The following ABCA8 variants were observed in gnomAD, a reference collection of about 807,000 sequenced individuals.
ABCA8 encodes ATP binding cassette subfamily A member 8.
Under a neutral mutation model 192.3 loss-of-function variants are expected in ABCA8, and 177 were observed. The observed-to-expected ratio is 0.92, with a 90% confidence interval of 0.81 to 1.04. The LOEUF is 1.04. Among genes scored for constraint, ABCA8 ranks in the 50% least tolerant of loss-of-function variants. The pLI, the probability that ABCA8 is intolerant of heterozygous loss-of-function variation, is 0.00. For synonymous variants in ABCA8, 642 were observed against 690.2 expected (o/e 0.93, Z 1.09); for missense variants, 1,915 against 1,904.8 (o/e 1.01, Z -0.10).
Position 68,906,175 on chromosome 17 carries a change from A to T in ABCA8, c.2279-12T>A. ...ATCCTTGTAAAGTTCTAAAGAATAC[A>T]TATACAGCAGTGAATTAAAACAAGA... On this transcript the variant is annotated splice_polypyrimidine_tract_variant and intron_variant, in intron 18 of 39. Transcript: ENST00000586539. 6.6e-7 allele frequency: 1 copy of T among 1,519,754 alleles called. No homozygotes were observed. The highest frequency in any genetic ancestry group is 8.8e-7 in the Non-Finnish European group (1 of 1,136,082). The allele number at this position is 1,519,754 out of a possible 1,614,324, so 94.1% of individuals were successfully genotyped here.
Position 68,867,839 on chromosome 17 carries a change from A to G in ABCA8, c.*246T>C. ...AAAGTAAATTTATTTATTCAGTATT[A>G]TACAGAACAATGGAACCAGTATGGC... On this transcript the variant is annotated 3_prime_UTR_variant, in exon 40 of 40. Coordinates refer to ENST00000586539, the MANE Select transcript of ABCA8 (RefSeq NM_001288985.2). 2.6e-6 allele frequency: 1 copy of G among 383,578 alleles called. No individual in the cohort carries two copies. 23.8% of individuals were successfully genotyped at this position (383,578 alleles called of 1,614,324 possible).
rs577694424 is a variant in ABCA8 at position 68,885,063 on chromosome 17, T to C, written c.3549+133A>G. On this transcript the variant is annotated intron_variant, in intron 27 of 39. Transcript: ENST00000586539. ...ATTGTTTTATCTGGGAGAAAATCAA[T>C]TGGATTCCGTCAGGCAGAAATCTTT... The C allele has an allele frequency of 2.5e-3, 3,028 of 1,191,454 alleles. 4 individuals carry two copies. The highest frequency in any genetic ancestry group is 3.2e-3 in the South Asian group (175 of 55,210). The allele number at this position is 1,191,454 out of a possible 1,614,324, so 73.8% of individuals were successfully genotyped here.
At chr17:68,929,858 G>C (rs775009999) in intron 7 of ABCA8, among the ~76,000 whole-genome samples, 156 bp from the exon 8 acceptor site, 19 of 151,808 alleles carry the variant, frequency 1.3e-4, no homozygotes, top group African/African-American at 4.4e-4. Flanking sequence ...ATAAATACAA[G>C]GTAAAAGTTT....
At chr17:68,943,406 C>G (rs1433551078) in intron 2 of ABCA8, among the ~76,000 whole-genome samples, 1 of 152,086 alleles carries the variant, frequency 6.6e-6, no homozygotes, top group East Asian at 1.9e-4. Flanking sequence ...GCAATTTGTA[C>G]TATGATAGGA....
At chr17:68,930,753 C>T (rs1015693097) in intron 7 of ABCA8, among the ~76,000 whole-genome samples, 8 of 152,270 alleles carry the variant, frequency 5.3e-5, no homozygotes, top group African/African-American at 1.4e-4. Context: ...TGCTCTGCTA[C>T]GTTTCCCTCC....
chr17:68,872,073 A>G (rs1375708769), intron 37 of ABCA8, among the ~76,000 whole-genome samples: 1 of 152,086 alleles, frequency 6.6e-6, no homozygotes, highest in East Asian at 1.9e-4. Flanking sequence ...CAGCCATCCC[A>G]TTACTGGGTA....
At chr17:68,940,464 A>G (rs547229133) in intron 4 of ABCA8, among the ~76,000 whole-genome samples, 2 of 152,224 alleles carry the variant, frequency 1.3e-5, no homozygotes, top group South Asian at 2.1e-4. Flanking sequence ...CTAAATGTGC[A>G]CCAGTCTGTA....
rs771179045 is a variant in ABCA8 at position 68,875,334 on chromosome 17, C to T, written c.4557G>A (p.Val1519=). The change falls in exon 37 of 40, where the codon GTG becomes GTA. Residue 1519 remains valine (V), a synonymous_variant. Coordinates refer to ENST00000586539, the MANE Select transcript of ABCA8 (RefSeq NM_001288985.2). ...GGGGCTCCACTTGTGCCAGGTTCTT[C>T]ACCTTCATCTCCAGCAGGTAATCTT... ...FGKDYLLEMK[V]KNLAQVEPLH... is the part of the protein sequence containing the mutation. The T allele has an allele frequency of 9.3e-5, 150 of 1,613,984 alleles. No homozygotes were observed. Among genetic ancestry groups the T allele is most frequent in the Middle Eastern group, 3.3e-4 (2 of 6,080 alleles).
chr17:68,945,809 ATGTG>A (rs527422110), intron 2 of ABCA8, among the ~76,000 whole-genome samples: 3 of 151,676 alleles, frequency 2.0e-5, no homozygotes, highest in African/African-American at 7.3e-5. Flanking sequence ...TTGTGTGTAT[ATGTG>A]TGTGTGTGCG....
intron 6 of ABCA8, 67 bp downstream of exon 6, chr17:68,933,100 AC>A (rs1354085510): frequency 6.6e-5 from 74 of 1,119,854 alleles, no homozygotes; most frequent in Admixed American, 8.5e-5. Context: ...CTTCCATGAA[AC>A]TTTTGATGCC....
At chr17:68,881,330 A>T (rs2066329993) in intron 31 of ABCA8, 119 bp from the exon 32 acceptor site, 1 of 722,322 alleles carries the variant, frequency 1.4e-6, no homozygotes. Flanking sequence ...AATTGTCACA[A>T]CCACCCTGAG....
In ABCA8 at chr17:68,929,252, C is replaced by T. The variant is rs762715223; in HGVS notation, c.940-18G>A. The T allele has an allele frequency of 1.3e-6, 2 of 1,562,492 alleles. No individual in the cohort carries two copies. The highest frequency in any genetic ancestry group is 1.7e-6 in the Non-Finnish European group (2 of 1,155,942). Reference sequence around the variant, plus strand: ...AAAGCTACCTAAAATGAGAGAAGATCTAGTTGGTTTATGTTTCTCTAACAT... The same window carrying T: ...AAAGCTACCTAAAATGAGAGAAGATTTAGTTGGTTTATGTTTCTCTAACAT... On this transcript the variant is annotated intron_variant, in intron 8 of 39. Coordinates refer to ENST00000586539, the MANE Select transcript of ABCA8 (RefSeq NM_001288985.2).
chr17:68,882,014 T>A, intron 30 of ABCA8, 34 bp from the exon 31 acceptor site: 1 of 1,560,178 alleles, frequency 6.4e-7, no homozygotes, highest in Non-Finnish European at 8.8e-7. Flanking sequence ...TGTCAGACCT[T>A]AATTCTCTCC....
At chr17:68,869,888 CATTTAA>C in intron 37 of ABCA8, 109 bp from the exon 38 acceptor site, 3 of 742,300 alleles carry the variant, frequency 4.0e-6, no homozygotes, top group Admixed American at 2.2e-5. Flanking sequence ...GTGTTAGGAA[CATTTAA>C]CATGAGATCT....
intron 17 of ABCA8, among the ~76,000 whole-genome samples, chr17:68,908,489 G>A (rs1168652331): frequency 1.1e-4 from 16 of 152,156 alleles, no homozygotes; most frequent in Admixed American, 1.0e-3. Flanking sequence ...CGGGCGTCAG[G>A]AAGAAAACAT....
At chr17:68,951,255 A>G (rs1294219278) in intron 1 of ABCA8, among the ~76,000 whole-genome samples, 2 of 152,230 alleles carry the variant, frequency 1.3e-5, no homozygotes, top group Non-Finnish European at 2.9e-5. Context: ...CCTCTTTAGC[A>G]TTCACTATAT....
intron 16 of ABCA8, 22 bp from the exon 17 acceptor site, chr17:68,917,473 G>A (rs775332139): frequency 1.3e-6 from 2 of 1,576,026 alleles, no homozygotes; most frequent in Admixed American, 1.8e-5. Context: ...GAAGAGCAAA[G>A]AAGAAAGTTT....
intron 2 of ABCA8, among the ~76,000 whole-genome samples, chr17:68,943,414 G>C (rs2068290707): frequency 6.6e-6 from 1 of 152,080 alleles, no homozygotes; most frequent in Non-Finnish European, 1.5e-5. Context: ...TACTATGATA[G>C]GAAGTATTTC....
At position 68,941,966 on chromosome 17, in the gene ABCA8, T is replaced by C. The variant is rs2068242719; in HGVS notation, c.69A>G (p.Lys23=). The C allele has an allele frequency of 6.2e-7, 1 of 1,611,876 alleles. No homozygotes were observed. Among genetic ancestry groups the C allele is most frequent in the Non-Finnish European group, 8.5e-7 (1 of 1,178,214 alleles). ...TTAAGGACTCTCTTTTCATTCTCCATTTTTTAAGAAAGTTCTTGCATAATA... is the reference window on the plus strand; with the variant it reads ...TTAAGGACTCTCTTTTCATTCTCCACTTTTTAAGAAAGTTCTTGCATAATA... ...WALLCKNFLK[K]WRMKRESLME... The change falls in exon 3 of 40, where the codon AAA becomes AAG. Residue 23 remains lysine (K), a synonymous_variant. Coordinates refer to ENST00000586539, the MANE Select transcript of ABCA8 (RefSeq NM_001288985.2).
Sources: allele counts gnomAD v4.1 joint callset (sites outside exome capture counted in the v4.1 genomes callset), GRCh38; gene constraint gnomAD v4.1.1; transcripts MANE v1.5; gene names NCBI Gene and HGNC (gene_info 2026-07-23, HGNC 2026-07-21).